The following GRAMD1B variants were observed in gnomAD, a reference collection of about 807,000 sequenced individuals.
GRAMD1B encodes protein Aster-B.
A neutral mutation model predicts 99.7 loss-of-function variants in GRAMD1B; 37 were observed. That is an observed-to-expected ratio of 0.37 (90% CI 0.29 to 0.49). The LOEUF (loss-of-function observed/expected upper bound fraction) is 0.49. Ranked by LOEUF, GRAMD1B falls within the 20% of genes least tolerant of loss-of-function variation. The pLI is 0.98. For missense variants in GRAMD1B, 888 were observed against 1,009.2 expected (o/e 0.88, Z 1.63); for synonymous variants, 427 against 387.6 (o/e 1.10, Z -1.19).
chr11:123,548,531 A>G (rs1470356946), intron 2 of GRAMD1B, among the ~76,000 whole-genome samples: 1 of 151,782 alleles, frequency 6.6e-6, no homozygotes, highest in South Asian at 2.1e-4. Context: ...CCTGCATGCA[A>G]GCACTCCTGA....
chr11:123,493,891 A>T (rs1485962734), intron 2 of GRAMD1B, among the ~76,000 whole-genome samples: 1 of 152,162 alleles, frequency 6.6e-6, no homozygotes, highest in Non-Finnish European at 1.5e-5. Flanking sequence ...CTCAGCTCAG[A>T]TTCCTCACCT....
intron 1 of GRAMD1B, among the ~76,000 whole-genome samples, chr11:123,367,747 A>G (rs1946369611): frequency 6.6e-6 from 1 of 151,398 alleles, no homozygotes; most frequent in South Asian, 2.1e-4. Context: ...TTTTAGGAAT[A>G]TAACTCTAGA....
chr11:123,416,335 A>G (rs187569316), intron 1 of GRAMD1B, among the ~76,000 whole-genome samples: 1 of 152,322 alleles, frequency 6.6e-6, no homozygotes, highest in Non-Finnish European at 1.5e-5. Context: ...TAAAGGAGCA[A>G]TGAAGCATTC....
chr11:123,439,822 C>T (rs890843950), intron 1 of GRAMD1B, among the ~76,000 whole-genome samples: 1 of 152,120 alleles, frequency 6.6e-6, no homozygotes, highest in Admixed American at 6.6e-5. Context: ...CAAGCCTGTT[C>T]CCCCACCCAG....
In GRAMD1B at chr11:123,619,235, C is replaced by T. The variant is rs1180682255; in HGVS notation, c.2544+11C>T. 1 of 1,552,444 alleles carries T rather than the reference C, an allele frequency of 6.4e-7. No homozygotes were observed. On this transcript the variant is annotated intron_variant, in intron 19 of 19. Transcript: ENST00000635736. ...ATGCTCCTTGACCAGGTGAGATGCCCCACCTTCTCTGCTTGCCCTGGTCTT... is the reference window on the plus strand; with the variant it reads ...ATGCTCCTTGACCAGGTGAGATGCCTCACCTTCTCTGCTTGCCCTGGTCTT...
intron 2 of GRAMD1B, among the ~76,000 whole-genome samples, chr11:123,521,748 C>T (rs1212243391): frequency 6.6e-6 from 1 of 152,122 alleles, no homozygotes; most frequent in Non-Finnish European, 1.5e-5. Flanking sequence ...CAAGTTTATC[C>T]TTACAGTGAG....
Position 123,594,354 on chromosome 11 carries a change from A to G in GRAMD1B, c.769+188A>G, listed in dbSNP as rs377271879. On this transcript the variant is annotated intron_variant, in intron 5 of 19. Transcript: ENST00000635736. ...TGAGTATCAGGCTTGTGGCAGCCTC[A>G]AGAGCCCAACCTGGAGTGAGTCACT... 1.1e-3 allele frequency among the ~76,000 whole-genome samples: 166 copies of G among 152,360 alleles called. No homozygotes were observed. The South Asian group carries it at 0.012, about 11-fold the overall frequency.
chr11:123,388,681 T>TCAAACAAA (rs35971361), intron 1 of GRAMD1B, among the ~76,000 whole-genome samples: 5,101 of 149,526 alleles, frequency 0.034, 298 homozygotes, highest in African/African-American at 0.12. Flanking sequence ...AGACCCTGTT[T>TCAAACAAA]CAAACAAACA....
chr11:123,596,994 T>C (rs1362597272), intron 7 of GRAMD1B, among the ~76,000 whole-genome samples: 1 of 152,158 alleles, frequency 6.6e-6, no homozygotes, highest in Non-Finnish European at 1.5e-5. Context: ...TTTACAGTCA[T>C]AGGGATCTTG....
At chr11:123,496,479 T>G (rs1383482003) in intron 2 of GRAMD1B, among the ~76,000 whole-genome samples, 1 of 152,106 alleles carries the variant, frequency 6.6e-6, no homozygotes, top group East Asian at 1.9e-4. Flanking sequence ...ATAACCTTCT[T>G]GTACTTCAAT....
At chr11:123,517,198 G>A (rs900207910) in intron 2 of GRAMD1B, among the ~76,000 whole-genome samples, 3 of 152,178 alleles carry the variant, frequency 2.0e-5, no homozygotes, top group African/African-American at 7.2e-5. Flanking sequence ...GGGATTACAG[G>A]CATGAGCCAC....
At chr11:123,451,872 C>T (rs987025761) in intron 1 of GRAMD1B, among the ~76,000 whole-genome samples, 8 of 152,086 alleles carry the variant, frequency 5.3e-5, no homozygotes, top group Non-Finnish European at 1.2e-4. Flanking sequence ...GGTGTTCTCT[C>T]GCCCAGGCTG....
chr11:123,571,450 A>T (rs1017341170), intron 2 of GRAMD1B, among the ~76,000 whole-genome samples: 2 of 152,228 alleles, frequency 1.3e-5, no homozygotes, highest in Non-Finnish European at 2.9e-5. Flanking sequence ...CAAGGACATC[A>T]GCTAGACCTA....
At chr11:123,537,261 T>G (rs1160793395) in intron 2 of GRAMD1B, among the ~76,000 whole-genome samples, 1 of 152,202 alleles carries the variant, frequency 6.6e-6, no homozygotes, top group East Asian at 1.9e-4. Flanking sequence ...TCTACTGTAG[T>G]GCAAATAGAT....
Position 123,614,796 on chromosome 11 carries a change from T to C in GRAMD1B, c.2279T>C (p.Leu760Pro). ...GAGGACACCCCCAACGGTTTCCACC[T>C]GCAGAGCGTGTCCAAGCTGCTGCTG... ...IPEDTPNGFH[L>P]QSVSKLLLVI... Residue 760 changes from leucine to proline, a missense_variant, in exon 17 of 20, where the codon CTG (leucine) becomes CCG (proline). Physicochemically the swap from Leu to Pro is moderately conservative, Grantham distance 98 (BLOSUM62 -3). This residue lies in a region of GRAMD1B where 232 missense variants were observed against 261.7 expected (regional missense o/e 0.89). Coordinates refer to ENST00000635736, the MANE Select transcript of GRAMD1B (RefSeq NM_001387025.1). 1 of 1,612,546 alleles carries C rather than the reference T, an allele frequency of 6.2e-7. No homozygotes were observed. Among genetic ancestry groups the C allele is most frequent in the Non-Finnish European group, 8.5e-7 (1 of 1,178,662 alleles).
intron 2 of GRAMD1B, among the ~76,000 whole-genome samples, chr11:123,554,924 A>G (rs1165824681): frequency 6.6e-6 from 1 of 152,170 alleles, no homozygotes; most frequent in Non-Finnish European, 1.5e-5. Flanking sequence ...GGGTGTGGCC[A>G]TTGCCCAGTG....
chr11:123,367,615 C>A (rs1156626800), intron 1 of GRAMD1B, among the ~76,000 whole-genome samples: 1 of 152,102 alleles, frequency 6.6e-6, no homozygotes, highest in Non-Finnish European at 1.5e-5. Context: ...GGCAATGAGG[C>A]CGGCGTGATG....
intron 1 of GRAMD1B, among the ~76,000 whole-genome samples, chr11:123,363,234 T>G (rs1946205155): frequency 1.3e-5 from 2 of 152,176 alleles, no homozygotes; most frequent in Non-Finnish European, 1.5e-5. Flanking sequence ...CGGCAGCTCA[T>G]TCTATTTTTA....
At chr11:123,473,481 A>T (rs1951113659) in intron 1 of GRAMD1B, among the ~76,000 whole-genome samples, 1 of 152,086 alleles carries the variant, frequency 6.6e-6, no homozygotes, top group Admixed American at 6.6e-5. Flanking sequence ...TGTATTACCC[A>T]GGCTGGTCTC....
Sources: gnomAD v4.1 joint callset for allele counts (sites outside exome capture counted in the v4.1 genomes callset) on GRCh38, gnomAD v4.1.1 for gene constraint, gnomAD v4.1.1 regional missense constraint, MANE v1.5 for transcripts, NCBI Gene and HGNC (gene_info 2026-07-23, HGNC 2026-07-21) for gene names.